Variants in TAGAP observed in about 807,000 individuals in gnomAD.
The protein encoded by TAGAP is T-cell activation Rho GTPase-activating protein.
In TAGAP, 16 loss-of-function variants were observed where a neutral mutation model predicts 36.0. The observed-to-expected ratio is 0.44, with a 90% CI of 0.30 to 0.68. TAGAP has a LOEUF of 0.68. Among genes scored for constraint, TAGAP ranks in the 30% least tolerant of loss-of-function variants. TAGAP has a pLI of 0.09. For synonymous variants in TAGAP, 372 were observed against 377.4 expected (o/e 0.99, Z 0.17); for missense variants, 794 against 921.5 (o/e 0.86, Z 1.79).
chr6:159,040,885 T>C, intron 6 of TAGAP, 53 bp from the exon 7 acceptor site: 1 of 1,418,664 alleles, frequency 7.0e-7, no homozygotes, highest in East Asian at 2.3e-5. Context: ...ATGTCCCATG[T>C]CCTTGTTTTC....
At chr6:159,038,834 A>G in intron 8 of TAGAP, 7 of 1,218,864 alleles carry the variant, frequency 5.7e-6, no homozygotes, top group Non-Finnish European at 6.4e-6. Flanking sequence ...TGTGGTGTAC[A>G]AAACACAAAA....
intron 8 of TAGAP, among the ~76,000 whole-genome samples, chr6:159,038,663 T>A (rs2114788735): frequency 6.6e-6 from 1 of 152,264 alleles, no homozygotes; most frequent in African/African-American, 2.4e-5. Context: ...GTGCTGAGAT[T>A]TCAGACGTGA....
chr6:159,044,201 C>T lies in TAGAP; in HGVS notation c.-55G>A. The T allele has an allele frequency of 1.3e-6, 2 of 1,581,574 alleles. No homozygotes were observed. The highest frequency in any genetic ancestry group is 1.7e-6 in the Non-Finnish European group (2 of 1,167,754). ...ATTTCACTCCCGTGTGGCTGTGCCTCTGTCTACAACGAATCACATGGAAAG... is the reference window on the plus strand; with the variant it reads ...ATTTCACTCCCGTGTGGCTGTGCCTTTGTCTACAACGAATCACATGGAAAG... On this transcript the variant is annotated 5_prime_UTR_variant, in exon 2 of 10. Coordinates refer to ENST00000367066, the MANE Select transcript of TAGAP (RefSeq NM_054114.5).
At position 159,037,405 on chromosome 6, in the gene TAGAP, T is replaced by G. The variant is rs1255097137; in HGVS notation, c.899-281A>C. ...GGTTTCACCATGTTGGCTAGGCTGTTTTTGAACTCCTGATCTCAGGTAATC... is the reference window on the plus strand; with the variant it reads ...GGTTTCACCATGTTGGCTAGGCTGTGTTTGAACTCCTGATCTCAGGTAATC... On this transcript the variant is annotated intron_variant, in intron 9 of 9. Coordinates refer to ENST00000367066, the MANE Select transcript of TAGAP (RefSeq NM_054114.5). The surrounding 1 kb of genome is among the most constrained non-coding windows in gnomAD (Gnocchi z 5.1). 6.6e-6 allele frequency among the ~76,000 whole-genome samples: 1 copy of G among 152,146 alleles called. No individual in the cohort carries two copies. The highest frequency in any genetic ancestry group is 1.5e-5 in the Non-Finnish European group (1 of 68,024).
At position 159,041,535 on chromosome 6, in the gene TAGAP, G is replaced by A; in HGVS notation, c.316-20C>T. ...AATGTCCTAAAGGAAACAGCAATAGGAACAGGAAAGGGTTACCCTTCTTCT... is the reference window on the plus strand; with the variant it reads ...AATGTCCTAAAGGAAACAGCAATAGAAACAGGAAAGGGTTACCCTTCTTCT... On this transcript the variant is annotated intron_variant, in intron 5 of 9. Transcript: ENST00000367066. This position sits in a 1 kb window ranked among gnomAD's most constrained non-coding sequence, Gnocchi z 4.1. 6.2e-7 allele frequency: 1 copy of A among 1,609,930 alleles called. No homozygotes were observed. The highest frequency in any genetic ancestry group is 8.5e-7 in the Non-Finnish European group (1 of 1,178,076).
intron 8 of TAGAP, 37 bp from the exon 9 acceptor site, chr6:159,038,265 CTTTTTTTTTT>C (rs559846736): frequency 7.0e-4 from 323 of 459,714 alleles, no homozygotes; most frequent in South Asian, 5.6e-3. Flanking sequence ...AGCTTGAAGA[CTTTTTTTTTT>C]TTTTTTTTTT....
At chr6:159,042,481 G>A (rs1779791787) in intron 4 of TAGAP, 1 of 714,124 alleles carries the variant, frequency 1.4e-6, no homozygotes, top group Non-Finnish European at 2.1e-6. Context: ...CAACACCAGA[G>A]TTCCTCAAGG....
Position 159,035,996 on chromosome 6 carries a change from G to A in TAGAP, c.2027C>T (p.Ser676Phe), listed in dbSNP as rs1178996060. Reference protein sequence around the residue: ...RWKQSRTVHASGDSLGHVSGP... With the variant: ...RWKQSRTVHAFGDSLGHVSGP... Reference sequence around the variant, plus strand: ...AGACACGTGCCCCAGAGAGTCCCCAGAAGCATGGACAGTTCTGCTCTGTTT... The same window carrying A: ...AGACACGTGCCCCAGAGAGTCCCCAAAAGCATGGACAGTTCTGCTCTGTTT... The change falls in exon 10 of 10, where the codon TCT (serine) becomes TTT (phenylalanine). Residue 676 changes from serine to phenylalanine, a missense_variant. Coordinates refer to ENST00000367066, the MANE Select transcript of TAGAP (RefSeq NM_054114.5). The A allele has an allele frequency of 6.2e-7, 1 of 1,613,934 alleles. No homozygotes were observed. Among genetic ancestry groups the A allele is most frequent in the Non-Finnish European group, 8.5e-7 (1 of 1,179,914 alleles).
chr6:159,036,066 CTT>C lies in TAGAP; in HGVS notation c.1955_1956del (p.Lys652ArgfsTer13). ...HVEDSRHRGSKEPLPGHGLSP... is the reference protein window; with the variant it reads ...HVEDSRHRGSXEPLPGHGLSP... Reference sequence around the variant, plus strand: ...GAGAGTCCGTGGCCAGGGAGTGGCTCTTTGCTGCCCCTGTGTCTTGAGTCCTC... The same window carrying C: ...GAGAGTCCGTGGCCAGGGAGTGGCTCTGCTGCCCCTGTGTCTTGAGTCCTC... On this transcript the variant is annotated frameshift_variant, in exon 10 of 10. Coordinates refer to ENST00000367066, the MANE Select transcript of TAGAP (RefSeq NM_054114.5). LOFTEE classifies it low-confidence loss of function (END_TRUNC). The surrounding 1 kb of genome is among the most constrained non-coding windows in gnomAD (Gnocchi z 4.9). 1.2e-6 allele frequency: 2 copies of C among 1,612,832 alleles called. No individual in the cohort carries two copies. The highest frequency in any genetic ancestry group is 1.7e-6 in the Non-Finnish European group (2 of 1,178,998).
chr6:159,036,535 C>T lies in TAGAP; in HGVS notation c.1488G>A (p.Glu496=), dbSNP rs756261043. The change falls in exon 10 of 10, where the codon GAG becomes GAA. Residue 496 remains glutamate (E), a synonymous_variant. Transcript: ENST00000367066. This position sits in a 1 kb window ranked among gnomAD's most constrained non-coding sequence, Gnocchi z 4.9. The part of the protein sequence containing the change: ...SRHQSFTTKT[E]KGKPSREIKK... ...TAATTTCTCGGCTGGGCTTGCCTTTCTCTGTCTTTGTGGTGAAAGACTGAT... is the reference window on the plus strand; with the variant it reads ...TAATTTCTCGGCTGGGCTTGCCTTTTTCTGTCTTTGTGGTGAAAGACTGAT... 1.4e-5 allele frequency: 23 copies of T among 1,614,008 alleles called. No individual in the cohort carries two copies. The South Asian group carries it at 2.3e-4, about 16-fold the overall frequency.
rs375463404 is a variant in TAGAP, at chr6:159,044,016, C to T, written c.43G>A (p.Ala15Thr). The part of the protein sequence containing the change: ...SSHNASKTLN[A>T]NNMETLIECQ... ...TCGATTAGTGTCTCCATATTATTGG[C>T]GTTTAGTGTTTTTGACTAAAAGAGA... is the stretch of plus-strand genomic sequence containing the variant. Residue 15 changes from alanine (A) to threonine (T), a missense_variant, in exon 3 of 10, where the codon GCC becomes ACC. By Grantham distance (58) the Ala-to-Thr change is moderately conservative. Transcript: ENST00000367066. The T allele has an allele frequency of 6.1e-5, 99 of 1,613,610 alleles. 1 individual carries two copies. The Admixed American group carries it at 1.5e-3, about 25-fold the overall frequency.
At chr6:159,043,332 T>C (rs1326295446) in intron 4 of TAGAP, among the ~76,000 whole-genome samples, 1 of 152,228 alleles carries the variant, frequency 6.6e-6, no homozygotes, top group African/African-American at 2.4e-5. Context: ...GAAACATACA[T>C]GGCCAGGAGA....
At chr6:159,044,685 C>T (rs934333682) in intron 1 of TAGAP, among the ~76,000 whole-genome samples, 194 bp downstream of exon 1, 21 of 150,140 alleles carry the variant, frequency 1.4e-4, no homozygotes, top group African/African-American at 4.6e-4. Context: ...AAACATGAAA[C>T]AAAGATAACA....
Position 159,041,673 on chromosome 6 carries a change from G to T in TAGAP, c.316-158C>A. The T allele has an allele frequency of 1.2e-6, 1 of 806,776 alleles. No homozygotes were observed. The allele number at this position is 806,776 out of a possible 1,614,324, so 50.0% of individuals were successfully genotyped here. On this transcript the variant is annotated intron_variant, in intron 5 of 9. Transcript: ENST00000367066. This position sits in a 1 kb window ranked among gnomAD's most constrained non-coding sequence, Gnocchi z 4.1. ...CTATTTTTCTAAGAGGAGGCAAATTGTGAAAGCTCTAATTTTGCACTTTCT... is the reference window on the plus strand; with the variant it reads ...CTATTTTTCTAAGAGGAGGCAAATTTTGAAAGCTCTAATTTTGCACTTTCT...
Position 159,040,762 on chromosome 6 carries a change from T to A in TAGAP, c.548A>T (p.Glu183Val). The change falls in exon 7 of 10, where the codon GAG becomes GTG. Residue 183 changes from glutamate (E) to valine (V), a missense_variant. Physicochemically the swap from Glu to Val is moderately radical, Grantham distance 121. Coordinates refer to ENST00000367066, the MANE Select transcript of TAGAP (RefSeq NM_054114.5). ...GATTCTGTCCTCCTCGTCCTGCATCTCCAGAGCACCCATCCACTCCTCAAA... is the reference window on the plus strand; with the variant it reads ...GATTCTGTCCTCCTCGTCCTGCATCACCAGAGCACCCATCCACTCCTCAAA... ...DLFEEWMGAL[E>V]MQDEEDRIEA... is the part of the protein sequence containing the mutation. 6.2e-7 allele frequency: 1 copy of A among 1,614,126 alleles called. No homozygotes were observed. Among genetic ancestry groups the A allele is most frequent in the African/African-American group, 1.3e-5 (1 of 75,014 alleles).
Position 159,036,972 on chromosome 6 carries a change from G to A in TAGAP, c.1051C>T (p.Arg351Ter). The change falls in exon 10 of 10, where the codon CGA (arginine) becomes TGA (stop). Residue 351 changes from arginine (R) to a stop codon, truncating the protein, a stop_gained. Coordinates refer to ENST00000367066, the MANE Select transcript of TAGAP (RefSeq NM_054114.5). LOFTEE classifies it low-confidence loss of function (END_TRUNC). The surrounding 1 kb of genome is among the most constrained non-coding windows in gnomAD (Gnocchi z 4.9). ...ACAATGGGCTCTGGGCTGACCTCTC[G>A]GGCATCCTGTGGGCCCGCGCTATCC... ...GLDSAGPQDA[R>*]EVSPEPIVST... The A allele has an allele frequency of 2.5e-6, 4 of 1,613,634 alleles. No homozygotes were observed. The highest frequency in any genetic ancestry group is 1.1e-5 in the South Asian group (1 of 91,038).
Position 159,040,743 on chromosome 6 carries a change from GTCC to G in TAGAP, c.564_566del (p.Glu188del), listed in dbSNP as rs1779718843. On this transcript the variant is annotated inframe_deletion, in exon 7 of 10. Transcript: ENST00000367066. Reference sequence around the variant, plus strand: ...CTTACTGTTTCAGGGCCTCGATTCTGTCCTCCTCGTCCTGCATCTCCAGAGCAC... The same window carrying G: ...CTTACTGTTTCAGGGCCTCGATTCTGTCCTCGTCCTGCATCTCCAGAGCAC... The G allele has an allele frequency of 6.2e-7, 1 of 1,614,070 alleles. No individual in the cohort carries two copies. The highest frequency in any genetic ancestry group is 8.5e-7 in the Non-Finnish European group (1 of 1,180,002).
intron 9 of TAGAP, 62 bp downstream of exon 9, chr6:159,038,052 G>T: frequency 2.8e-6 from 3 of 1,070,432 alleles, no homozygotes; most frequent in South Asian, 1.3e-5. Flanking sequence ...TGCTTTACAT[G>T]ACTGGCAGAC....
chr6:159,044,073 C>T, intron 2 of TAGAP, 42 bp from the exon 3 acceptor site: 2 of 1,613,752 alleles, frequency 1.2e-6, no homozygotes, highest in South Asian at 1.1e-5. Context: ...TCTTTTGGCC[C>T]TTGCCTGTAG....
Sources: allele counts gnomAD v4.1 joint callset (sites outside exome capture counted in the v4.1 genomes callset), GRCh38; gene constraint gnomAD v4.1.1; non-coding constraint Gnocchi (gnomAD v3.1); transcripts MANE v1.5; gene names NCBI Gene and HGNC (gene_info 2026-07-23, HGNC 2026-07-21).